OR2T33: variants seen among roughly 807,000 people sequenced by gnomAD.
OR2T33 encodes olfactory receptor 2T33.
Under a neutral mutation model 14.0 loss-of-function variants are expected in OR2T33, and 10 were observed. That is an observed-to-expected ratio of 0.72 (90% CI 0.44 to 1.22). OR2T33 has a LOEUF of 1.22. Among genes scored for constraint, OR2T33 ranks in the 50% most tolerant of loss-of-function variants. OR2T33 has a pLI of 0.00. For synonymous variants in OR2T33, 103 were observed against 159.4 expected (o/e 0.65, Z 2.66); for missense variants, 276 against 405.9 (o/e 0.68, Z 2.75).
Position 248,271,150 on chromosome 1 carries a change from C to T in OR2T33, c.*1702G>A, listed in dbSNP as rs1659365657. On this transcript the variant is annotated 3_prime_UTR_variant, in exon 2 of 2. Transcript: ENST00000641220. ...AAATGCTAGTTGTTTTAGTTTTCTCCTGTATATTAGGCTTAATTTTCTGGT... is the reference window on the plus strand; with the variant it reads ...AAATGCTAGTTGTTTTAGTTTTCTCTTGTATATTAGGCTTAATTTTCTGGT... 1 of 152,036 alleles carries T rather than the reference C, an allele frequency of 6.6e-6. No homozygotes were observed. Among genetic ancestry groups the T allele is most frequent in the Non-Finnish European group, 1.5e-5 (1 of 67,998 alleles). The allele number at this position is 152,036 out of a possible 1,614,324, so 9.4% of individuals were successfully genotyped here. A position where few individuals can be genotyped will look rare whatever the true frequency, so the allele number is the denominator to read the frequency against.
chr1:248,273,499 C>A lies in OR2T33; in HGVS notation c.316G>T (p.Gly106Cys). ...GCTAAGAGGAAGCACTCTCCACCAC[C>A]CAGTGTGGGGAGGAAGAAGATCTGC... ...GVQIFFLPTL[G>C]GGECFLLAAM... Residue 106 changes from glycine to cysteine, a missense_variant, in exon 2 of 2, where the codon GGT becomes TGT. By Grantham distance (159) the Gly-to-Cys change is radical. Transcript: ENST00000641220. The A allele has an allele frequency of 6.2e-7, 1 of 1,612,930 alleles. No individual in the cohort carries two copies. The highest frequency in any genetic ancestry group is 8.5e-7 in the Non-Finnish European group (1 of 1,179,908).
At position 248,270,699 on chromosome 1, in the gene OR2T33, A is replaced by C. The variant is rs1659358825; in HGVS notation, c.*2153T>G. 1 of 152,156 alleles carries C rather than the reference A, an allele frequency of 6.6e-6. No individual in the cohort carries two copies. The highest frequency in any genetic ancestry group is 6.5e-5 in the Admixed American group (1 of 15,268). 9.4% of individuals were successfully genotyped at this position (152,156 alleles called of 1,614,324 possible). On this transcript the variant is annotated 3_prime_UTR_variant, in exon 2 of 2. Coordinates refer to ENST00000641220, the MANE Select transcript of OR2T33 (RefSeq NM_001004695.2). Reference sequence around the variant, plus strand: ...TGCTAATTTCATGTTAAAAAAATAGATGCCATCCTTTCATTCTTGAAGTAT... The same window carrying C: ...TGCTAATTTCATGTTAAAAAAATAGCTGCCATCCTTTCATTCTTGAAGTAT...
chr1:248,271,094 G>C lies in OR2T33; in HGVS notation c.*1758C>G, dbSNP rs1467925227. The C allele has an allele frequency of 6.6e-6, 1 of 152,138 alleles. No individual in the cohort carries two copies. The highest frequency in any genetic ancestry group is 1.5e-5 in the Non-Finnish European group (1 of 68,012). The allele number at this position is 152,138 out of a possible 1,614,324, so 9.4% of individuals were successfully genotyped here. ...AAATGACATAAAGATACCACCACTA[G>C]AAGGGTTAAAATTAAAAATATTCAA... On this transcript the variant is annotated 3_prime_UTR_variant, in exon 2 of 2. Coordinates refer to ENST00000641220, the MANE Select transcript of OR2T33 (RefSeq NM_001004695.2).
chr1:248,274,076 AT>A (rs964636455), intron 1 of OR2T33, among the ~76,000 whole-genome samples: 1 of 152,060 alleles, frequency 6.6e-6, no homozygotes, highest in South Asian at 2.1e-4. Context: ...GAATAAAAAT[AT>A]TTTTTCAACT....
rs66503957 is a variant in OR2T33, at chr1:248,271,409, TAA to T, written c.*1441_*1442del. 0.78 allele frequency: 118,212 copies of T among 151,844 alleles called. 46,272 individuals carry two copies. Among genetic ancestry groups the T allele is most frequent in the South Asian group, 0.88 (4,235 of 4,824 alleles). The allele number at this position is 151,844 out of a possible 1,614,324, so 9.4% of individuals were successfully genotyped here. On this transcript the variant is annotated 3_prime_UTR_variant, in exon 2 of 2. Transcript: ENST00000641220. ...CTCACCCTAACACTGGGTAAGGAGA[TAA>T]AATTAACAAGAGTAGCAAACAAAAG...
At chr1:248,275,152 C>G (rs1174617223) in intron 1 of OR2T33, among the ~76,000 whole-genome samples, 1 of 152,174 alleles carries the variant, frequency 6.6e-6, no homozygotes, top group East Asian at 1.9e-4. Flanking sequence ...TCATCTCATA[C>G]ACAGATGGTC....
intron 1 of OR2T33, among the ~76,000 whole-genome samples, chr1:248,276,354 G>A (rs1219269774): frequency 2.0e-5 from 3 of 152,058 alleles, no homozygotes; most frequent in Non-Finnish European, 2.9e-5. Context: ...TTTTTTTAAT[G>A]TCATATTGCA....
In OR2T33 at chr1:248,273,312, C is replaced by G. The variant is rs1466428614; in HGVS notation, c.503G>C (p.Gly168Ala). Residue 168 changes from glycine (G) to alanine (A), a missense_variant, in exon 2 of 2, where the codon GGT (glycine) becomes GCT (alanine). Coordinates refer to ENST00000641220, the MANE Select transcript of OR2T33 (RefSeq NM_001004695.2). ...AVVTLSFPYC[G>A]AHEIDHFFCE... is the part of the protein sequence containing the mutation. Reference sequence around the variant, plus strand: ...GAAGAAGTGATCGATCTCGTGTGCACCACAATATGGGAAGCTCAGGGTAAC... The same window carrying G: ...GAAGAAGTGATCGATCTCGTGTGCAGCACAATATGGGAAGCTCAGGGTAAC... 4.3e-6 allele frequency: 7 copies of G among 1,610,672 alleles called. No individual in the cohort carries two copies. The highest frequency in any genetic ancestry group is 5.9e-6 in the Non-Finnish European group (7 of 1,179,226).
intron 1 of OR2T33, among the ~76,000 whole-genome samples, chr1:248,276,214 G>T (rs939820307): frequency 1.3e-5 from 2 of 152,130 alleles, no homozygotes; most frequent in Non-Finnish European, 2.9e-5. Context: ...AGTGGGTAAT[G>T]CTCCTTCACC....
rs999786387 is a variant in OR2T33, at chr1:248,272,757, AACTT to A, written c.*91_*94del. ...AAATATCCTATTATATCAATGCAAA[AACTT>A]AATTTTCTCTGCATGAATTGCTAAA... is the stretch of plus-strand genomic sequence containing the variant. On this transcript the variant is annotated 3_prime_UTR_variant, in exon 2 of 2. Transcript: ENST00000641220. 40 of 1,475,290 alleles carry A rather than the reference AACTT, an allele frequency of 2.7e-5. No homozygotes were observed. The African/African-American group carries it at 5.5e-4, about 20-fold the overall frequency. 91.4% of individuals were successfully genotyped at this position (1,475,290 alleles called of 1,614,324 possible). A position where few individuals can be genotyped will look rare whatever the true frequency, so the allele number is the denominator to read the frequency against.
chr1:248,274,253 C>T (rs1373336986), intron 1 of OR2T33, among the ~76,000 whole-genome samples: 2 of 152,170 alleles, frequency 1.3e-5, no homozygotes, highest in African/African-American at 4.8e-5. Context: ...GAAACCCAAA[C>T]ATATTCAAGA....
At position 248,272,573 on chromosome 1, in the gene OR2T33, AT is replaced by A. The variant is rs1572820837; in HGVS notation, c.*278del. 1 of 352,400 alleles carries A rather than the reference AT, an allele frequency of 2.8e-6. No individual in the cohort carries two copies. Among genetic ancestry groups the A allele is most frequent in the Admixed American group, 4.4e-5 (1 of 22,690 alleles). 21.8% of individuals were successfully genotyped at this position (352,400 alleles called of 1,614,324 possible). A position where few individuals can be genotyped will look rare whatever the true frequency, so the allele number is the denominator to read the frequency against. ...ACAATATTTACCTTTCCATGCATTAATTTCTTTTTTTAGAAAGTAGGAGATA... is the reference window on the plus strand; with the variant it reads ...ACAATATTTACCTTTCCATGCATTAATTCTTTTTTTAGAAAGTAGGAGATA... On this transcript the variant is annotated 3_prime_UTR_variant, in exon 2 of 2. Transcript: ENST00000641220.
In OR2T33 at chr1:248,273,356, G is replaced by C. The variant is rs764565834; in HGVS notation, c.459C>G (p.Asp153Glu). Residue 153 changes from aspartate (D) to glutamate (E), a missense_variant, in exon 2 of 2, where the codon GAC (aspartate) becomes GAG (glutamate). Coordinates refer to ENST00000641220, the MANE Select transcript of OR2T33 (RefSeq NM_001004695.2). ...GGGTAACAACAGCCTGCAGGAGCCC[G>C]TCAGCTGCACCCAGGAGCCAACACG... ...TMSCWLLGAA[D>E]GLLQAVVTLS... 2 of 1,611,900 alleles carry C rather than the reference G, an allele frequency of 1.2e-6. No individual in the cohort carries two copies. The highest frequency in any genetic ancestry group is 1.3e-5 in the African/African-American group (1 of 74,772).
At chr1:248,274,230 T>C (rs1659424126) in intron 1 of OR2T33, among the ~76,000 whole-genome samples, 2 of 152,210 alleles carry the variant, frequency 1.3e-5, no homozygotes, top group Admixed American at 1.3e-4. Flanking sequence ...AGTTTATTTA[T>C]ATTCAACTTT....
Position 248,273,258 on chromosome 1 carries a change from GC to G in OR2T33, c.556del (p.Ala186LeufsTer18), listed in dbSNP as rs1659400469. 2 of 1,610,316 alleles carry G rather than the reference GC, an allele frequency of 1.2e-6. No homozygotes were observed. The highest frequency in any genetic ancestry group is 1.1e-5 in the South Asian group (1 of 90,902). ...TTCGAAGACTGAAGTGTCAGCACAA[GC>G]CAAACGCACCAGCACGGGGGTCTCG... ...FCETPVLVRL[A>X]CADTSVFENA... On this transcript the variant is annotated frameshift_variant, in exon 2 of 2. Transcript: ENST00000641220. LOFTEE classifies it high-confidence loss of function.
rs1302041346 is a variant in OR2T33 at position 248,273,210 on chromosome 1, A to G, written c.605T>C (p.Val202Ala). 1.9e-6 allele frequency: 3 copies of G among 1,609,316 alleles called. No homozygotes were observed. The African/African-American group carries it at 4.0e-5, about 22-fold the overall frequency. ...VFENAMYICC[V>A]LMLLVPFSLI... ...GGAAAAGGGGACCAGGAGCATTAAC[A>G]CACAGCAGATGTACATGGCGTTTTC... is the stretch of plus-strand genomic sequence containing the variant. The change falls in exon 2 of 2, where the codon GTG becomes GCG. Residue 202 changes from valine to alanine, a missense_variant. Coordinates refer to ENST00000641220, the MANE Select transcript of OR2T33 (RefSeq NM_001004695.2).
chr1:248,275,050 A>C (rs893112525), intron 1 of OR2T33, among the ~76,000 whole-genome samples: 1 of 152,222 alleles, frequency 6.6e-6, no homozygotes, highest in Non-Finnish European at 1.5e-5. Flanking sequence ...CATAAAGAGA[A>C]GAGCACAAAG....
chr1:248,277,206 C>T (rs1277780776), intron 1 of OR2T33, among the ~76,000 whole-genome samples: 1 of 151,404 alleles, frequency 6.6e-6, no homozygotes. Flanking sequence ...TAGGCAATTT[C>T]TTTAGATGTA....
At chr1:248,277,097 A>C (rs370702537) in intron 1 of OR2T33, among the ~76,000 whole-genome samples, 1 of 149,308 alleles carries the variant, frequency 6.7e-6, no homozygotes, top group African/African-American at 2.4e-5. Flanking sequence ...TTTATATTTT[A>C]TGTATAAAAT....
Sources: allele counts gnomAD v4.1 joint callset (sites outside exome capture counted in the v4.1 genomes callset), GRCh38; gene constraint gnomAD v4.1.1; transcripts MANE v1.5; gene names NCBI Gene and HGNC (gene_info 2026-07-23, HGNC 2026-07-21).